Variants in CYLD observed in about 807,000 individuals in gnomAD.
CYLD encodes the protein CYLD lysine 63 deubiquitinase, also known as ubiquitin carboxyl-terminal hydrolase CYLD.
A neutral mutation model predicts 104.5 loss-of-function variants in CYLD; 26 were observed. The observed-to-expected ratio is 0.25, with a 90% CI of 0.18 to 0.35. The LOEUF is 0.35. Ranked by LOEUF, CYLD falls within the 10% of genes least tolerant of loss-of-function variation. The pLI is 1.00. For missense variants in CYLD, 703 were observed against 1,136.1 expected (o/e 0.62, Z 5.48); for synonymous variants, 385 against 399.9 (o/e 0.96, Z 0.45).
At position 50,786,707 on chromosome 16, in the gene CYLD, C is replaced by T. The variant is rs899383456; in HGVS notation, c.1950-148C>T. ...CCTGGAAGGCGGAGGTTGCAGTGAG[C>T]TGAGATCGGGCCACTGCACACTCCA... On this transcript the variant is annotated intron_variant, in intron 12 of 18. Transcript: ENST00000427738. 8.1e-6 allele frequency: 5 copies of T among 613,748 alleles called. No individual in the cohort carries two copies. In the South Asian group the frequency reaches 9.9e-5, roughly 12 times the overall value. 38.0% of individuals were successfully genotyped at this position (613,748 alleles called of 1,614,324 possible). A position where few individuals can be genotyped will look rare whatever the true frequency, so the allele number is the denominator to read the frequency against.
At chr16:50,769,670 T>C (rs144476392) in intron 5 of CYLD, among the ~76,000 whole-genome samples, 1 of 152,154 alleles carries the variant, frequency 6.6e-6, no homozygotes, top group African/African-American at 2.4e-5. Flanking sequence ...GCGGTAACAT[T>C]AACATGTTGT....
Position 50,749,821 on chromosome 16 carries a change from A to G in CYLD, c.123A>G (p.Val41=). 4 of 1,614,154 alleles carry G rather than the reference A, an allele frequency of 2.5e-6. No homozygotes were observed. The highest frequency in any genetic ancestry group is 1.6e-4 in the Middle Eastern group (1 of 6,062). Residue 41 remains valine, a synonymous_variant, in exon 3 of 19, where the codon GTA becomes GTG. Coordinates refer to ENST00000427738, the MANE Select transcript of CYLD (RefSeq NM_001378743.1). ...AACAAACACAAAAGCTCCTTAAAGT[A>G]CCGAAGGGAAGTATAGGACAGTATA... ...TDKQTQKLLK[V]PKGSIGQYIQ...
At chr16:50,784,118 T>A (rs1970572394) in intron 11 of CYLD, 1 of 514,184 alleles carries the variant, frequency 1.9e-6, no homozygotes, top group African/African-American at 1.9e-5. Context: ...ATTATTGGTG[T>A]TGTCCTTAAC....
At chr16:50,764,528 C>A (rs1401826350) in intron 5 of CYLD, among the ~76,000 whole-genome samples, 1 of 152,132 alleles carries the variant, frequency 6.6e-6, no homozygotes, top group Non-Finnish European at 1.5e-5. Flanking sequence ...TTTGTGCTTT[C>A]TTATATTCTT....
At chr16:50,751,515 G>A (rs1966615299) in intron 3 of CYLD, 89 bp from the exon 4 acceptor site, 1 of 1,101,258 alleles carries the variant, frequency 9.1e-7, no homozygotes, top group Non-Finnish European at 1.3e-6. Context: ...ATTTTCCAGA[G>A]TGATTTTCCT....
intron 16 of CYLD, 130 bp downstream of exon 16, chr16:50,792,835 G>A: frequency 5.1e-6 from 3 of 588,736 alleles, no homozygotes; most frequent in South Asian, 2.1e-5. Context: ...GAAGAGCCTG[G>A]AAATATGAAA....
chr16:50,787,184 C>T (rs1395863042), intron 13 of CYLD: 1 of 502,562 alleles, frequency 2.0e-6, no homozygotes, highest in East Asian at 3.6e-5. Context: ...ATATTAAATG[C>T]TTAAATAAAA....
chr16:50,787,097 G>C (rs1252749914), intron 13 of CYLD, 151 bp downstream of exon 13: 1 of 678,710 alleles, frequency 1.5e-6, no homozygotes, highest in African/African-American at 1.8e-5. Context: ...TCCTCTTTTT[G>C]TAAATTCTTC....
intron 5 of CYLD, among the ~76,000 whole-genome samples, chr16:50,766,810 G>A (rs1968573911): frequency 6.6e-6 from 1 of 152,204 alleles, no homozygotes; most frequent in Admixed American, 6.5e-5. Context: ...GCCTGAAAAT[G>A]TACTTGACTG....
intron 5 of CYLD, among the ~76,000 whole-genome samples, chr16:50,770,458 T>TG (rs1969023303): frequency 6.6e-6 from 1 of 151,760 alleles, no homozygotes; most frequent in Admixed American, 6.6e-5. Context: ...TCTTTCTTTT[T>TG]TTTTTTTTTG....
chr16:50,787,202 T>A (rs2151016327), intron 13 of CYLD: 1 of 457,282 alleles, frequency 2.2e-6, no homozygotes, highest in Non-Finnish European at 4.0e-6. Context: ...AAAAGTCCTT[T>A]CCTTTCCACC....
intron 5 of CYLD, among the ~76,000 whole-genome samples, chr16:50,767,358 A>C (rs1472355609): frequency 2.6e-5 from 4 of 152,214 alleles, no homozygotes; most frequent in Non-Finnish European, 5.9e-5. Context: ...ACTGGGAAAC[A>C]AAAACACTTG....
In CYLD at chr16:50,754,937, G is replaced by GTA. The variant is rs548711559; in HGVS notation, c.913+520_913+521dup. On this transcript the variant is annotated intron_variant, in intron 5 of 18. Transcript: ENST00000427738. Reference sequence around the variant, plus strand: ...TATGTATACATATATACACACATATGTATATATACACACATATATACATAT... The same window carrying GTA: ...TATGTATACATATATACACACATATGTATATATATACACACATATATACATAT... 1.4e-4 allele frequency among the ~76,000 whole-genome samples: 20 copies of GTA among 142,580 alleles called. No homozygotes were observed. The East Asian group carries it at 3.8e-3, about 27-fold the overall frequency. The allele number at this position is 142,580 out of a possible 152,430, so 93.5% of individuals were successfully genotyped here.
intron 5 of CYLD, among the ~76,000 whole-genome samples, chr16:50,761,454 TC>T (rs1967914832): frequency 6.6e-6 from 1 of 152,210 alleles, no homozygotes; most frequent in Admixed American, 6.5e-5. Context: ...TGCCGGTTCC[TC>T]TTTCCCTCCA....
intron 3 of CYLD, 65 bp downstream of exon 3, chr16:50,750,267 T>C: frequency 6.4e-7 from 1 of 1,551,434 alleles, no homozygotes; most frequent in Non-Finnish European, 8.9e-7. Context: ...TGTATTTGTA[T>C]GCACATACAT....
Position 50,794,728 on chromosome 16 carries a change from C to T in CYLD, c.2686+300C>T, listed in dbSNP as rs1251328342. ...CTCCACCTCTCAGGTTCAAGCAATC[C>T]TCCCACCTCAGCCTCCTGAGTAGCT... On this transcript the variant is annotated intron_variant, in intron 18 of 18. Coordinates refer to ENST00000427738, the MANE Select transcript of CYLD (RefSeq NM_001378743.1). This position sits in a 1 kb window ranked among gnomAD's most constrained non-coding sequence, Gnocchi z 4.1. The T allele has an allele frequency of 2.4e-6, 1 of 410,634 alleles. No homozygotes were observed. The highest frequency in any genetic ancestry group is 5.5e-5 in the East Asian group (1 of 18,110). The allele number at this position is 410,634 out of a possible 1,614,324, so 25.4% of individuals were successfully genotyped here. A position where few individuals can be genotyped will look rare whatever the true frequency, so the allele number is the denominator to read the frequency against.
rs62029869 is a variant in CYLD at position 50,755,170 on chromosome 16, T to C, written c.913+746T>C. ...ATGTGTGTATATACACACGTGTACATATGTGTGTGTATATACACACGTGTA... is the reference window on the plus strand; with the variant it reads ...ATGTGTGTATATACACACGTGTACACATGTGTGTGTATATACACACGTGTA... On this transcript the variant is annotated intron_variant, in intron 5 of 18. Coordinates refer to ENST00000427738, the MANE Select transcript of CYLD (RefSeq NM_001378743.1). Among the ~76,000 whole-genome samples, 7 of 33,394 alleles carry C rather than the reference T, an allele frequency of 2.1e-4. 1 individual carries two copies. The highest frequency in any genetic ancestry group is 0.017 in the Middle Eastern group (1 of 58). 21.9% of individuals were successfully genotyped at this position (33,394 alleles called of 152,430 possible). A position where few individuals can be genotyped will look rare whatever the true frequency, so the allele number is the denominator to read the frequency against.
intron 5 of CYLD, among the ~76,000 whole-genome samples, chr16:50,757,605 C>T (rs1204184200): frequency 6.6e-6 from 1 of 151,792 alleles, no homozygotes; most frequent in African/African-American, 2.4e-5. Context: ...GGCGTGGTCT[C>T]TGCTCACTGC....
intron 2 of CYLD, among the ~76,000 whole-genome samples, chr16:50,746,806 C>T (rs900927264): frequency 2.0e-5 from 3 of 151,312 alleles, no homozygotes; most frequent in Non-Finnish European, 4.4e-5. Flanking sequence ...AACATAATGT[C>T]CTAATGCACA....
Sources: gnomAD v4.1 joint callset for allele counts (sites outside exome capture counted in the v4.1 genomes callset) on GRCh38, gnomAD v4.1.1 for gene constraint, Gnocchi (gnomAD v3.1) non-coding constraint, MANE v1.5 for transcripts, NCBI Gene and HGNC (gene_info 2026-07-23, HGNC 2026-07-21) for gene names.